Variants in ABL2 observed in about 807,000 individuals in gnomAD.
ABL2 encodes ABL proto-oncogene 2, non-receptor tyrosine kinase, also known as tyrosine-protein kinase ABL2.
A neutral mutation model predicts 107.7 loss-of-function variants in ABL2; 49 were observed. That is an observed-to-expected ratio of 0.45 (90% CI 0.36 to 0.58). The LOEUF (loss-of-function observed/expected upper bound fraction) is 0.58, where lower values mean the gene tolerates loss of function less well. ABL2 is among the 20% of genes least tolerant of loss of function. The pLI is 0.00. For synonymous variants in ABL2, 549 were observed against 548.6 expected, an observed-to-expected ratio of 1.00 and a Z score of -0.01; for missense variants, 1,245 against 1,457.0, an observed-to-expected ratio of 0.85 and a Z score of 2.37.
At chr1:179,157,820 T>C (rs952123487) in intron 1 of ABL2, among the ~76,000 whole-genome samples, 3 of 151,966 alleles carry the variant, frequency 2.0e-5, no homozygotes, top group African/African-American at 7.2e-5. Flanking sequence ...TCCTCCTGCG[T>C]CAGCCTCCCA....
intron 1 of ABL2, among the ~76,000 whole-genome samples, chr1:179,224,527 C>A (rs1003129889): frequency 6.6e-6 from 1 of 151,968 alleles, no homozygotes; most frequent in Non-Finnish European, 1.5e-5. Flanking sequence ...CGTCGGCCTC[C>A]CAAAGTGCTG....
At chr1:179,113,870 C>T (rs1654347792) in intron 9 of ABL2, among the ~76,000 whole-genome samples, 1 of 151,304 alleles carries the variant, frequency 6.6e-6, no homozygotes, top group Non-Finnish European at 1.5e-5. Flanking sequence ...AGAGGTGGAG[C>T]TTGCAGTGAG....
In ABL2 at chr1:179,100,596, C is replaced by G. The variant is rs905951200; in HGVS notation, c.*7122G>C. 2 of 229,104 alleles carry G rather than the reference C, an allele frequency of 8.7e-6. No individual in the cohort carries two copies. Among genetic ancestry groups the G allele is most frequent in the African/African-American group, 4.4e-5 (2 of 45,102 alleles). 14.2% of individuals were successfully genotyped at this position (229,104 alleles called of 1,614,324 possible). A position where few individuals can be genotyped will look rare whatever the true frequency, so the allele number is the denominator to read the frequency against. On this transcript the variant is annotated 3_prime_UTR_variant, in exon 12 of 12. Transcript: ENST00000502732. The stretch of plus-strand genomic sequence containing the variant: ...TCCTTTCATAAAGCCTGCTAGCATT[C>G]GACAGTTTGCCTCCAGCTTTTCTAA...
At chr1:179,132,382 C>T (rs115707017) in intron 2 of ABL2, among the ~76,000 whole-genome samples, 16 of 152,178 alleles carry the variant, frequency 1.1e-4, no homozygotes, top group Non-Finnish European at 1.6e-4. Flanking sequence ...CAGCCCAGAT[C>T]GATTATACAA....
intron 1 of ABL2, among the ~76,000 whole-genome samples, chr1:179,135,025 C>T (rs1202624216): frequency 2.0e-5 from 3 of 152,270 alleles, no homozygotes; most frequent in Admixed American, 2.0e-4. Context: ...GTCTCGTTCA[C>T]TCAGTGCTCA....
intron 1 of ABL2, among the ~76,000 whole-genome samples, chr1:179,176,475 T>C (rs1264276436): frequency 6.6e-6 from 1 of 150,834 alleles, no homozygotes; most frequent in African/African-American, 2.4e-5. Context: ...ATATATACAC[T>C]ATGTACCCAC....
intron 2 of ABL2, among the ~76,000 whole-genome samples, chr1:179,132,167 G>A (rs1057279295): frequency 6.6e-6 from 1 of 152,106 alleles, no homozygotes; most frequent in African/African-American, 2.4e-5. Flanking sequence ...TTGTTTTCCT[G>A]AGCAGTGATT....
At chr1:179,129,978 C>T (rs929638162) in intron 3 of ABL2, among the ~76,000 whole-genome samples, 4 of 152,164 alleles carry the variant, frequency 2.6e-5, no homozygotes, top group Non-Finnish European at 4.4e-5. Context: ...CTCACTCTGT[C>T]GCCCAGGCTG....
intron 1 of ABL2, among the ~76,000 whole-genome samples, chr1:179,179,615 G>A (rs1660253692): frequency 6.6e-6 from 1 of 151,974 alleles, no homozygotes; most frequent in Non-Finnish European, 1.5e-5. Flanking sequence ...ACAGAGATAT[G>A]GCCTGAATGT....
At position 179,198,334 on chromosome 1, in the gene ABL2, T is replaced by G. The variant is rs533133955; in HGVS notation, c.157+30907A>C. Among the ~76,000 whole-genome samples, 5 of 152,174 alleles carry G rather than the reference T, an allele frequency of 3.3e-5. No individual in the cohort carries two copies. In the East Asian group the frequency reaches 9.6e-4, roughly 29 times the overall value. ...CTAGGCAAAGAGCACATGAGAGTTG[T>G]TTGTGCTATTCTTGCAACTTTTCTG... On this transcript the variant is annotated intron_variant, in intron 1 of 11. Coordinates refer to ENST00000502732, the MANE Select transcript of ABL2 (RefSeq NM_007314.4).
At chr1:179,162,853 G>T (rs1295386737) in intron 1 of ABL2, among the ~76,000 whole-genome samples, 1 of 152,142 alleles carries the variant, frequency 6.6e-6, no homozygotes, top group Non-Finnish European at 1.5e-5. Context: ...ATCACAAGGT[G>T]AATTATAGCA....
rs926819735 is a variant in ABL2 at position 179,101,625 on chromosome 1, T to C, written c.*6093A>G. 30 of 175,978 alleles carry C rather than the reference T, an allele frequency of 1.7e-4. No individual in the cohort carries two copies. Among genetic ancestry groups the C allele is most frequent in the Middle Eastern group, 4.4e-3 (2 of 450 alleles). 10.9% of individuals were successfully genotyped at this position (175,978 alleles called of 1,614,324 possible). A position where few individuals can be genotyped will look rare whatever the true frequency, so the allele number is the denominator to read the frequency against. ...ACCTCAAGTGATCCGCCCATCTTGG[T>C]CTCCCAAAGTGCTGGGATTACAGGC... On this transcript the variant is annotated 3_prime_UTR_variant, in exon 12 of 12. Coordinates refer to ENST00000502732, the MANE Select transcript of ABL2 (RefSeq NM_007314.4).
At chr1:179,125,533 G>A (rs41346745) in intron 4 of ABL2, among the ~76,000 whole-genome samples, 1,545 of 152,174 alleles carry the variant, frequency 0.01, 12 homozygotes, top group Non-Finnish European at 0.015. Context: ...TGTTCTGTTT[G>A]GTCAAGAGGA....
intron 1 of ABL2, among the ~76,000 whole-genome samples, chr1:179,164,104 G>C (rs750612981): frequency 6.6e-6 from 1 of 152,166 alleles, no homozygotes; most frequent in Non-Finnish European, 1.5e-5. Flanking sequence ...TGATGAAACT[G>C]TTCCGCTGTT....
chr1:179,109,415 T>TAG lies in ABL2; in HGVS notation c.1850_1851dup (p.Ser618LeufsTer41). 6.2e-7 allele frequency: 1 copy of TAG among 1,613,806 alleles called. No individual in the cohort carries two copies. Among genetic ancestry groups the TAG allele is most frequent in the Middle Eastern group, 1.7e-4 (1 of 6,060 alleles). On this transcript the variant is annotated frameshift_variant, in exon 12 of 12. Transcript: ENST00000502732. LOFTEE classifies it high-confidence loss of function. ...TTTCGAGGCAGTGCTGGGGATCCACTAGAGGCCTGTGCACCTCTGATGAAC... is the reference window on the plus strand; with the variant it reads ...TTTCGAGGCAGTGCTGGGGATCCACTAGAGAGGCCTGTGCACCTCTGATGAAC...
chr1:179,178,591 T>C (rs1350302133), intron 1 of ABL2, among the ~76,000 whole-genome samples: 1 of 151,724 alleles, frequency 6.6e-6, no homozygotes, highest in Non-Finnish European at 1.5e-5. Flanking sequence ...ATCTGGACTT[T>C]AAAAAGTAAG....
In ABL2 at chr1:179,110,428, G is replaced by A. The variant is rs754071952; in HGVS notation, c.1679C>T (p.Ala560Val). ...EEVAEELGRA[A>V]SSSSVVPYLP... ...GTATGGAACAACAGATGACGAGGAG[G>A]CGGCTCTCCCAAGCTCCTCAGCTAC... Residue 560 changes from alanine to valine, a missense_variant, in exon 11 of 12, where the codon GCC becomes GTC. Physicochemically the swap from Ala to Val is moderately conservative, Grantham distance 64. Transcript: ENST00000502732. 5 of 1,613,816 alleles carry A rather than the reference G, an allele frequency of 3.1e-6. No homozygotes were observed. In the South Asian group the frequency reaches 4.4e-5, roughly 14 times the overall value.
rs758013511 is a variant in ABL2, at chr1:179,101,006, G to A, written c.*6712C>T. The A allele has an allele frequency of 5.2e-5, 12 of 232,454 alleles. No homozygotes were observed. Among genetic ancestry groups the A allele is most frequent in the African/African-American group, 1.8e-4 (8 of 45,314 alleles). The allele number at this position is 232,454 out of a possible 1,614,324, so 14.4% of individuals were successfully genotyped here. On this transcript the variant is annotated 3_prime_UTR_variant, in exon 12 of 12. Transcript: ENST00000502732. ...ACCTCGCCAGGTGGGCTTGAGAAACGCAGCAACTGCCAAGTGAACACTCTC... is the reference window on the plus strand; with the variant it reads ...ACCTCGCCAGGTGGGCTTGAGAAACACAGCAACTGCCAAGTGAACACTCTC...
chr1:179,143,206 G>A, intron 1 of ABL2: 2 of 1,021,744 alleles, frequency 2.0e-6, no homozygotes, highest in Admixed American at 3.7e-5. Context: ...TCCCAAAGTG[G>A]GTGGAGAGTG....
Sources: gnomAD v4.1 joint callset for allele counts (sites outside exome capture counted in the v4.1 genomes callset) on GRCh38, gnomAD v4.1.1 for gene constraint, MANE v1.5 for transcripts, NCBI Gene and HGNC (gene_info 2026-07-23, HGNC 2026-07-21) for gene names.